The following DCC variants were observed in gnomAD, a reference collection of about 807,000 sequenced individuals.
DCC encodes the protein DCC netrin 1 receptor, also known as netrin receptor DCC.
In DCC, 58 loss-of-function variants were observed where a neutral mutation model predicts 172.5. The observed-to-expected ratio is 0.34, with a 90% CI of 0.27 to 0.42. DCC has a LOEUF of 0.42. Ranked by LOEUF, DCC falls within the 10% of genes least tolerant of loss-of-function variation. The pLI is 1.00. For missense variants in DCC, 1,740 were observed against 1,791.0 expected, an observed-to-expected ratio of 0.97 and a Z score of 0.51; for synonymous variants, 709 against 644.5, an observed-to-expected ratio of 1.10 and a Z score of -1.52.
chr18:52,885,709 T>C (rs2039559088), intron 2 of DCC, among the ~76,000 whole-genome samples: 1 of 152,106 alleles, frequency 6.6e-6, no homozygotes, highest in Non-Finnish European at 1.5e-5. Context: ...CTTTTCCCTC[T>C]GCTTTCCTCA....
At chr18:52,726,901 TG>T (rs1412316141) in intron 1 of DCC, among the ~76,000 whole-genome samples, 8 of 152,240 alleles carry the variant, frequency 5.3e-5, no homozygotes, top group Admixed American at 5.2e-4. Context: ...AAACTGCTAT[TG>T]GTGTTATCAT....
At chr18:53,351,115 A>G (rs2057786626) in intron 15 of DCC, among the ~76,000 whole-genome samples, 1 of 150,674 alleles carries the variant, frequency 6.6e-6, no homozygotes, top group African/African-American at 2.4e-5. Context: ...TTAATAATAC[A>G]TACTATTCTA....
chr18:53,527,834 A>C (rs935661673), intron 28 of DCC, among the ~76,000 whole-genome samples: 1 of 152,152 alleles, frequency 6.6e-6, no homozygotes, highest in Non-Finnish European at 1.5e-5. Context: ...AAGCCTAAGG[A>C]ATTAACATAT....
chr18:53,280,039 C>A (rs2056853199), intron 12 of DCC, among the ~76,000 whole-genome samples: 1 of 152,036 alleles, frequency 6.6e-6, no homozygotes. Context: ...CCCTATCACA[C>A]AAAATTTACC....
chr18:53,048,668 A>T (rs868139681), intron 5 of DCC, among the ~76,000 whole-genome samples: 5 of 151,086 alleles, frequency 3.3e-5, no homozygotes, highest in African/African-American at 4.9e-5. Context: ...TTATATATGT[A>T]TATATGATAT....
At chr18:52,575,096 C>T (rs1168252931) in intron 1 of DCC, among the ~76,000 whole-genome samples, 1 of 152,032 alleles carries the variant, frequency 6.6e-6, no homozygotes, top group Non-Finnish European at 1.5e-5. Context: ...TTTAGCAGCC[C>T]ATTTATGTTA....
At chr18:53,115,913 CG>C (rs1438879025) in intron 7 of DCC, among the ~76,000 whole-genome samples, 1 of 151,226 alleles carries the variant, frequency 6.6e-6, no homozygotes, top group Non-Finnish European at 1.5e-5. Context: ...CCAATAATCT[CG>C]AGAATATATG....
intron 12 of DCC, among the ~76,000 whole-genome samples, chr18:53,284,993 G>T (rs1017038747): frequency 2.0e-5 from 3 of 152,138 alleles, no homozygotes; most frequent in Admixed American, 6.6e-5. Context: ...TCTGGTGGAA[G>T]AAATTTCTAA....
At chr18:52,848,406 A>G (rs1039412685) in intron 2 of DCC, among the ~76,000 whole-genome samples, 2 of 151,956 alleles carry the variant, frequency 1.3e-5, no homozygotes, top group Non-Finnish European at 1.5e-5. Flanking sequence ...AATGTTTTTG[A>G]TTTTTACTTC....
At chr18:53,119,916 A>T (rs1267396371) in intron 7 of DCC, among the ~76,000 whole-genome samples, 5 of 151,890 alleles carry the variant, frequency 3.3e-5, no homozygotes. Flanking sequence ...GAATATACAA[A>T]TTATGCCCCC....
chr18:53,178,885 T>C, intron 8 of DCC, 77 bp from the exon 9 acceptor site: 3 of 1,534,892 alleles, frequency 2.0e-6, no homozygotes, highest in Non-Finnish European at 2.7e-6. Flanking sequence ...ACCTCACTAC[T>C]CTTGCACATC....
intron 5 of DCC, among the ~76,000 whole-genome samples, chr18:53,056,728 G>T (rs965444171): frequency 6.6e-5 from 10 of 152,014 alleles, no homozygotes; most frequent in Non-Finnish European, 7.4e-5. Flanking sequence ...AAACTAGCTG[G>T]CTTTCCACTG....
intron 1 of DCC, among the ~76,000 whole-genome samples, chr18:52,394,515 G>A (rs543232171): frequency 2.0e-5 from 3 of 151,938 alleles, no homozygotes; most frequent in South Asian, 2.1e-4. Context: ...GGTCTCAGGT[G>A]ATCCTCCTGC....
rs555771042 is a variant in DCC, at chr18:52,903,537, T to C, written c.413-2507T>C. Among the ~76,000 whole-genome samples, 27 of 152,334 alleles carry C rather than the reference T, an allele frequency of 1.8e-4. No homozygotes were observed. In the South Asian group the frequency reaches 5.6e-3, roughly 32 times the overall value. On this transcript the variant is annotated intron_variant, in intron 2 of 28. Coordinates refer to ENST00000442544, the MANE Select transcript of DCC (RefSeq NM_005215.4). The stretch of plus-strand genomic sequence containing the variant: ...AAATGCTTTAAATTTATCCAATGTG[T>C]ATGACTTCTAAAGAGCCATAAATCT...
intron 1 of DCC, among the ~76,000 whole-genome samples, chr18:52,445,039 A>C (rs1988079469): frequency 6.6e-6 from 1 of 152,088 alleles, no homozygotes; most frequent in Non-Finnish European, 1.5e-5. Context: ...TTAACAGTCT[A>C]GTGGGGGTGG....
chr18:52,598,105 C>A (rs1041159175), intron 1 of DCC, among the ~76,000 whole-genome samples: 1 of 152,128 alleles, frequency 6.6e-6, no homozygotes, highest in African/African-American at 2.4e-5. Context: ...ATTTTCATGA[C>A]CTTGTGTGGC....
chr18:53,019,988 A>G (rs1223729843), intron 5 of DCC, among the ~76,000 whole-genome samples: 1 of 152,198 alleles, frequency 6.6e-6, no homozygotes, highest in Non-Finnish European at 1.5e-5. Context: ...TTGTAGCCAC[A>G]TGCAGGTAAA....
In DCC at chr18:53,394,488, AC is replaced by A. The variant is rs1240883472; in HGVS notation, c.2688+2602del. Among the ~76,000 whole-genome samples, 10 of 152,250 alleles carry A rather than the reference AC, an allele frequency of 6.6e-5. No individual in the cohort carries two copies. In the East Asian group the frequency reaches 1.9e-3, roughly 29 times the overall value. On this transcript the variant is annotated intron_variant, in intron 17 of 28. Coordinates refer to ENST00000442544, the MANE Select transcript of DCC (RefSeq NM_005215.4). ...TATTAACTTTCCTGATCAAATGGAG[AC>A]ATTTTCTATATGTTTTTCTATTAAA... is the stretch of plus-strand genomic sequence containing the variant.
At chr18:53,434,580 A>T (rs1475160540) in intron 21 of DCC, among the ~76,000 whole-genome samples, 13 of 152,178 alleles carry the variant, frequency 8.5e-5, no homozygotes, top group Non-Finnish European at 2.9e-5. Flanking sequence ...TATTTGTAGG[A>T]AATATTCAGA....
Sources: allele counts gnomAD v4.1 joint callset (sites outside exome capture counted in the v4.1 genomes callset), GRCh38; gene constraint gnomAD v4.1.1; transcripts MANE v1.5; gene names NCBI Gene and HGNC (gene_info 2026-07-23, HGNC 2026-07-21).